The following AUTS2 variants were observed in gnomAD, a reference collection of about 807,000 sequenced individuals.
AUTS2 encodes the protein autism susceptibility gene 2 protein.
A neutral mutation model predicts 112.4 loss-of-function variants in AUTS2; 17 were observed. The observed-to-expected ratio is 0.15, with a 90% CI of 0.10 to 0.23. AUTS2 has a LOEUF of 0.23. AUTS2 is among the 10% of genes least tolerant of loss of function. The pLI is 1.00. For missense variants in AUTS2, 1,510 were observed against 1,701.6 expected (o/e 0.89, Z 1.98); for synonymous variants, 751 against 702.7 (o/e 1.07, Z -1.09).
Position 69,815,464 on chromosome 7 carries a change from A to G in AUTS2, c.310-83822A>G, listed in dbSNP as rs113501601. Among the ~76,000 whole-genome samples the G allele has an allele frequency of 5.9e-3, 905 of 152,292 alleles. 13 individuals carry two copies. Among genetic ancestry groups the G allele is most frequent in the African/African-American group, 0.021 (861 of 41,564 alleles). ...GATCTTTGAAAAAAACAGGTAGTTT[A>G]TAGTACATTGGAGGAAATGCTCTGT... On this transcript the variant is annotated intron_variant, in intron 1 of 18. Transcript: ENST00000342771.
intron 3 of AUTS2, among the ~76,000 whole-genome samples, chr7:70,123,240 C>T (rs1050683232): frequency 2.6e-5 from 4 of 152,108 alleles, no homozygotes; most frequent in African/African-American, 9.7e-5. Context: ...GCAACACCTA[C>T]CTGCACAATA....
At chr7:69,634,835 A>G (rs1794442607) in intron 1 of AUTS2, among the ~76,000 whole-genome samples, 1 of 152,188 alleles carries the variant, frequency 6.6e-6, no homozygotes. Context: ...CCATTCAAAC[A>G]GGCTCACTTA....
intron 1 of AUTS2, among the ~76,000 whole-genome samples, chr7:69,733,721 TG>T (rs1168174322): frequency 1.3e-5 from 2 of 152,186 alleles, no homozygotes; most frequent in African/African-American, 2.4e-5. Flanking sequence ...ATCCTTAGTG[TG>T]GGGGTACTGT....
intron 1 of AUTS2, among the ~76,000 whole-genome samples, chr7:69,849,768 A>G (rs1361547946): frequency 6.6e-6 from 1 of 152,094 alleles, no homozygotes; most frequent in Non-Finnish European, 1.5e-5. Context: ...GCTTTTATGA[A>G]TGTTTATTCT....
intron 5 of AUTS2, among the ~76,000 whole-genome samples, chr7:70,642,080 G>T (rs557853050): frequency 6.6e-6 from 1 of 152,306 alleles, no homozygotes; most frequent in Non-Finnish European, 1.5e-5. Context: ...CTAATTTCCA[G>T]ATGTCCTTGC....
At chr7:70,539,497 A>G (rs1339177187) in intron 5 of AUTS2, among the ~76,000 whole-genome samples, 4 of 152,208 alleles carry the variant, frequency 2.6e-5, no homozygotes, top group Non-Finnish European at 5.9e-5. Flanking sequence ...TCTATGGAAT[A>G]CCAAACTTGT....
intron 15 of AUTS2, chr7:70,783,621 C>T (rs556639385): frequency 6.6e-6 from 1 of 152,170 alleles, no homozygotes; most frequent in Non-Finnish European, 1.5e-5. Flanking sequence ...TAGAATGTAA[C>T]CTTCTTTAGC....
chr7:70,649,424 A>C (rs1440699071), intron 5 of AUTS2, among the ~76,000 whole-genome samples: 2 of 152,182 alleles, frequency 1.3e-5, no homozygotes, highest in Non-Finnish European at 2.9e-5. Flanking sequence ...AGATGAATAA[A>C]CAATGGTTAA....
At chr7:70,119,982 C>T (rs534340274) in intron 3 of AUTS2, 9 of 152,018 alleles carry the variant, frequency 5.9e-5, no homozygotes, top group South Asian at 4.1e-4. Context: ...TTCAGTTTAA[C>T]GAGCGGGGAA....
At chr7:69,765,245 T>G (rs1562868168) in intron 1 of AUTS2, among the ~76,000 whole-genome samples, 1 of 152,212 alleles carries the variant, frequency 6.6e-6, no homozygotes, top group Non-Finnish European at 1.5e-5. Context: ...TACTAAATTG[T>G]GATGGGTTCC....
chr7:69,912,673 A>G (rs1214940045), intron 2 of AUTS2, among the ~76,000 whole-genome samples: 2 of 151,774 alleles, frequency 1.3e-5, no homozygotes, highest in South Asian at 2.1e-4. Context: ...GCAGACCCAT[A>G]TTTCTCCTTT....
chr7:69,870,815 GGT>G (rs1793463108), intron 1 of AUTS2, among the ~76,000 whole-genome samples: 1 of 152,106 alleles, frequency 6.6e-6, no homozygotes, highest in South Asian at 2.1e-4. Flanking sequence ...AACTTTTTAT[GGT>G]GTTTTAAATT....
intron 6 of AUTS2, among the ~76,000 whole-genome samples, chr7:70,735,448 G>T (rs1442669990): frequency 6.6e-6 from 1 of 152,138 alleles, no homozygotes; most frequent in Non-Finnish European, 1.5e-5. Flanking sequence ...TAGAGTCAAG[G>T]CTGGGTTTGC....
At chr7:70,594,603 C>T (rs1326338751) in intron 5 of AUTS2, among the ~76,000 whole-genome samples, 1 of 152,192 alleles carries the variant, frequency 6.6e-6, no homozygotes, top group African/African-American at 2.4e-5. Context: ...CTTAGCAGCT[C>T]TCAGCTCTCC....
chr7:70,743,615 C>T (rs562273831), intron 6 of AUTS2, among the ~76,000 whole-genome samples: 3 of 152,044 alleles, frequency 2.0e-5, no homozygotes, highest in African/African-American at 7.2e-5. Context: ...AAGCATTTGT[C>T]GTGCATTGAT....
At chr7:70,015,868 C>G (rs1029334372) in intron 2 of AUTS2, among the ~76,000 whole-genome samples, 1 of 151,072 alleles carries the variant, frequency 6.6e-6, no homozygotes, top group Non-Finnish European at 1.5e-5. Flanking sequence ...TGTTTTTTCC[C>G]CCTGTGCTTA....
intron 4 of AUTS2, among the ~76,000 whole-genome samples, chr7:70,250,999 C>T (rs1786561719): frequency 6.6e-6 from 1 of 152,110 alleles, no homozygotes; most frequent in Non-Finnish European, 1.5e-5. Flanking sequence ...CACATGTACC[C>T]CTGAACCCAA....
At chr7:70,579,471 G>T (rs1444840880) in intron 5 of AUTS2, among the ~76,000 whole-genome samples, 2 of 151,934 alleles carry the variant, frequency 1.3e-5, no homozygotes, top group Non-Finnish European at 2.9e-5. Flanking sequence ...TAAAAAAAAT[G>T]GTGCTGCCCT....
intron 4 of AUTS2, among the ~76,000 whole-genome samples, chr7:70,206,089 A>G (rs1810560081): frequency 6.6e-6 from 1 of 152,204 alleles, no homozygotes; most frequent in Non-Finnish European, 1.5e-5. Flanking sequence ...TGTAGGACAT[A>G]TGGCTAATTA....
Sources: gnomAD v4.1 joint callset for allele counts (sites outside exome capture counted in the v4.1 genomes callset) on GRCh38, gnomAD v4.1.1 for gene constraint, MANE v1.5 for transcripts, NCBI Gene and HGNC (gene_info 2026-07-23, HGNC 2026-07-21) for gene names.